FAM107B: variants seen among roughly 807,000 people sequenced by gnomAD.
FAM107B encodes protein FAM107B.
FAM107B carries 21 observed loss-of-function variants against 31.5 expected under a neutral mutation model. The ratio of observed to expected loss-of-function variants is 0.67; its 90% CI spans 0.47 to 0.96. The LOEUF is 0.96. Ranked by LOEUF, FAM107B falls within the 40% of genes least tolerant of loss-of-function variation. The pLI is 0.00. For synonymous variants in FAM107B, 157 were observed against 141.5 expected, an observed-to-expected ratio of 1.11 and a Z score of -0.78; for missense variants, 452 against 377.1, an observed-to-expected ratio of 1.20 and a Z score of -1.64.
intron 1 of FAM107B, among the ~76,000 whole-genome samples, chr10:14,696,974 C>T (rs1259877156): frequency 6.6e-6 from 1 of 152,126 alleles, no homozygotes; most frequent in East Asian, 1.9e-4. Flanking sequence ...TGTCCCCAAC[C>T]CCCACTACTA....
chr10:14,608,615 G>A (rs551344371), intron 2 of FAM107B, among the ~76,000 whole-genome samples: 1 of 152,312 alleles, frequency 6.6e-6, no homozygotes, highest in Admixed American at 6.5e-5. Flanking sequence ...TGGCCTCTCA[G>A]CAGGCTAGAT....
chr10:14,769,945 T>C (rs760233645), intron 1 of FAM107B, among the ~76,000 whole-genome samples: 7 of 152,198 alleles, frequency 4.6e-5, no homozygotes, highest in Non-Finnish European at 1.0e-4. Context: ...CTGGGTGCAG[T>C]GTTAAGTTGG....
intron 2 of FAM107B, chr10:14,612,615 C>T (rs1364431074): frequency 6.6e-6 from 1 of 152,232 alleles, no homozygotes. Flanking sequence ...GCAACAATTG[C>T]TTCAGCCATT....
intron 2 of FAM107B, among the ~76,000 whole-genome samples, chr10:14,590,810 T>C (rs564777986): frequency 2.8e-5 from 4 of 143,964 alleles, no homozygotes; most frequent in Admixed American, 2.1e-4. Context: ...GGAGAAACCC[T>C]GTCTCTACTA....
intron 2 of FAM107B, among the ~76,000 whole-genome samples, chr10:14,583,086 C>CAAAAAAAAAA (rs60205603): frequency 1.8e-5 from 1 of 56,352 alleles, no homozygotes. Flanking sequence ...GACTCTGTCT[C>CAAAAAAAAAA]AAAAAAAAAA....
chr10:14,744,934 T>C (rs530842965), intron 1 of FAM107B, among the ~76,000 whole-genome samples: 1 of 152,148 alleles, frequency 6.6e-6, no homozygotes, highest in Non-Finnish European at 1.5e-5. Context: ...TGTTTGTTTT[T>C]ATTTTTGTTT....
intron 2 of FAM107B, among the ~76,000 whole-genome samples, chr10:14,604,770 T>TCA (rs71388189): frequency 0.43 from 65,382 of 151,326 alleles, 14,487 homozygotes; most frequent in East Asian, 0.71. Context: ...TCTGTCTCTC[T>TCA]CACACACACA....
intron 2 of FAM107B, among the ~76,000 whole-genome samples, chr10:14,658,850 C>T (rs1165026754): frequency 1.3e-5 from 2 of 152,182 alleles, no homozygotes; most frequent in African/African-American, 4.8e-5. Context: ...TCCCTGCCTT[C>T]ATGATGCTTA....
At chr10:14,664,572 G>T (rs1854359411) in intron 2 of FAM107B, among the ~76,000 whole-genome samples, 1 of 152,182 alleles carries the variant, frequency 6.6e-6, no homozygotes, top group Admixed American at 6.5e-5. Context: ...TGCCATACAG[G>T]TTTGTAGCCT....
At chr10:14,668,649 C>T (rs545013504) in intron 1 of FAM107B, among the ~76,000 whole-genome samples, 35 of 152,272 alleles carry the variant, frequency 2.3e-4, no homozygotes, top group African/African-American at 7.5e-4. Context: ...GATGACTTTA[C>T]GCCAATTAAT....
chr10:14,657,393 A>G (rs1031894347), intron 2 of FAM107B, among the ~76,000 whole-genome samples: 2 of 152,194 alleles, frequency 1.3e-5, no homozygotes, highest in East Asian at 1.9e-4. Flanking sequence ...AGAGGACTGG[A>G]CACAGATTGG....
chr10:14,586,002 C>T (rs1412755821), intron 2 of FAM107B, among the ~76,000 whole-genome samples: 1 of 152,176 alleles, frequency 6.6e-6, no homozygotes, highest in Non-Finnish European at 1.5e-5. Context: ...GACCCTGGAT[C>T]CCTCTTGCTT....
chr10:14,575,759 C>A (rs1389049663), intron 2 of FAM107B, among the ~76,000 whole-genome samples: 1 of 152,092 alleles, frequency 6.6e-6, no homozygotes, highest in Non-Finnish European at 1.5e-5. Flanking sequence ...ATACAAATAC[C>A]CCATATGGGC....
chr10:14,650,787 C>G (rs776990412), intron 2 of FAM107B, among the ~76,000 whole-genome samples: 3 of 152,130 alleles, frequency 2.0e-5, no homozygotes, highest in Non-Finnish European at 4.4e-5. Context: ...TTTGTTATAT[C>G]ACTAAATTTC....
intron 2 of FAM107B, among the ~76,000 whole-genome samples, chr10:14,637,721 T>C (rs529063499): frequency 1.3e-5 from 2 of 152,280 alleles, no homozygotes; most frequent in Admixed American, 1.3e-4. Flanking sequence ...CTGGAGTCTC[T>C]CATTCCCTTC....
At chr10:14,674,439 T>C (rs1020058067) in intron 1 of FAM107B, among the ~76,000 whole-genome samples, 7 of 152,218 alleles carry the variant, frequency 4.6e-5, no homozygotes, top group African/African-American at 1.7e-4. Flanking sequence ...GTCCTTCAAA[T>C]TGCTTATGCA....
intron 2 of FAM107B, among the ~76,000 whole-genome samples, chr10:14,540,785 T>C (rs1173377462): frequency 6.6e-6 from 1 of 152,192 alleles, no homozygotes; most frequent in African/African-American, 2.4e-5. Context: ...CACCTCAGAA[T>C]CAACAGGTGT....
chr10:14,585,803 AC>A (rs1213938230), intron 2 of FAM107B, among the ~76,000 whole-genome samples: 4 of 152,142 alleles, frequency 2.6e-5, no homozygotes, highest in Admixed American at 6.5e-5. Context: ...CATAACAAAT[AC>A]TTCTCTGCAA....
chr10:14,696,784 C>G (rs1012687029), intron 1 of FAM107B, among the ~76,000 whole-genome samples: 10 of 152,232 alleles, frequency 6.6e-5, no homozygotes, highest in African/African-American at 2.2e-4. Flanking sequence ...GTGGATTGTG[C>G]CTGTCTACTC....
Sources: gnomAD v4.1 joint callset for allele counts (sites outside exome capture counted in the v4.1 genomes callset) on GRCh38, gnomAD v4.1.1 for gene constraint, MANE v1.5 for transcripts, NCBI Gene and HGNC (gene_info 2026-07-23, HGNC 2026-07-21) for gene names.